The following RWDD1 variants were observed in gnomAD, a reference collection of about 807,000 sequenced individuals.
The protein encoded by RWDD1 is RWD domain-containing protein 1.
Under a neutral mutation model 31.6 loss-of-function variants are expected in RWDD1, and 17 were observed. That is an observed-to-expected ratio of 0.54 (90% CI 0.37 to 0.81). The LOEUF (loss-of-function observed/expected upper bound fraction) is 0.81, where lower values mean the gene tolerates loss of function less well. Ranked by LOEUF, RWDD1 falls within the 30% of genes least tolerant of loss-of-function variation. The pLI is 0.00. For synonymous variants in RWDD1, 78 were observed against 94.2 expected, an observed-to-expected ratio of 0.83 and a Z score of 0.99; for missense variants, 204 against 274.5, an observed-to-expected ratio of 0.74 and a Z score of 1.82.
At chr6:116,589,049 GT>G (rs3830940) in intron 4 of RWDD1, 64 bp downstream of exon 4, 165 of 1,142,024 alleles carry the variant, frequency 1.4e-4, no homozygotes, top group East Asian at 3.3e-4. Flanking sequence ...GCTTGGTTGG[GT>G]TTTTTTTTAA....
intron 1 of RWDD1, among the ~76,000 whole-genome samples, chr6:116,575,490 G>C (rs997944689): frequency 2.0e-5 from 3 of 152,164 alleles, no homozygotes; most frequent in East Asian, 3.9e-4. Flanking sequence ...ATGGTAATGG[G>C]ATTAGTCCTT....
At chr6:116,573,866 T>C (rs955212049) in intron 1 of RWDD1, among the ~76,000 whole-genome samples, 3 of 152,106 alleles carry the variant, frequency 2.0e-5, no homozygotes, top group African/African-American at 7.2e-5. Context: ...CAAAGAAGCA[T>C]TTGTTAAGTA....
At chr6:116,582,694 T>G (rs1774967804) in intron 2 of RWDD1, among the ~76,000 whole-genome samples, 1 of 152,082 alleles carries the variant, frequency 6.6e-6, no homozygotes, top group South Asian at 2.1e-4. Context: ...CCCTTTTTTC[T>G]AGTCTAGCTG....
In RWDD1 at chr6:116,597,525, C is replaced by A. The variant is rs1297883020; in HGVS notation, c.*4424C>A. On this transcript the variant is annotated 3_prime_UTR_variant, in exon 7 of 7. Coordinates refer to ENST00000466444, the MANE Select transcript of RWDD1 (RefSeq NM_015952.4). ...GGTATTTAGCTCTGAAAATCCTTTA[C>A]TGTTGAATATTTAGATTGTTTTCAA... 1 of 152,054 alleles carries A rather than the reference C, an allele frequency of 6.6e-6. No homozygotes were observed. Among genetic ancestry groups the A allele is most frequent in the African/African-American group, 2.4e-5 (1 of 41,404 alleles). The allele number at this position is 152,054 out of a possible 1,614,324, so 9.4% of individuals were successfully genotyped here. A position where few individuals can be genotyped will look rare whatever the true frequency, so the allele number is the denominator to read the frequency against.
chr6:116,575,604 T>TA (rs780229686), intron 1 of RWDD1, among the ~76,000 whole-genome samples: 1 of 152,336 alleles, frequency 6.6e-6, no homozygotes, highest in Admixed American at 6.5e-5. Context: ...TTTCTGTTTT[T>TA]AAAAAATACT....
rs371222086 is a variant in RWDD1 at position 116,571,684 on chromosome 6, C to T, written c.73+29C>T. 3.5e-5 allele frequency: 56 copies of T among 1,601,758 alleles called. No homozygotes were observed. The African/African-American group carries it at 5.2e-4, about 15-fold the overall frequency. On this transcript the variant is annotated intron_variant, in intron 1 of 6. Coordinates refer to ENST00000466444, the MANE Select transcript of RWDD1 (RefSeq NM_015952.4). ...ACTCCCGCGGCCGCAAGCCTGTAGC[C>T]GCCCCGAGGTGGAGTAGGACGGGCA...
chr6:116,573,055 G>A, intron 1 of RWDD1: 1 of 926,266 alleles, frequency 1.1e-6, no homozygotes, highest in Non-Finnish European at 1.3e-6. Flanking sequence ...ATAGAATATA[G>A]GGTCAGTTGT....
chr6:116,588,670 C>A (rs1392061797), intron 3 of RWDD1, among the ~76,000 whole-genome samples, 172 bp from the exon 4 acceptor site: 2 of 151,932 alleles, frequency 1.3e-5, no homozygotes, highest in Non-Finnish European at 2.9e-5. Context: ...TTGGATATGG[C>A]ACATTTACAC....
Position 116,571,560 on chromosome 6 carries a change from T to C in RWDD1, c.-23T>C, listed in dbSNP as rs2115318960. The C allele has an allele frequency of 1.2e-6, 2 of 1,610,868 alleles. No homozygotes were observed. The highest frequency in any genetic ancestry group is 8.5e-7 in the Non-Finnish European group (1 of 1,178,812). On this transcript the variant is annotated 5_prime_UTR_variant, in exon 1 of 7. Transcript: ENST00000466444. The stretch of plus-strand genomic sequence containing the variant: ...GCGCCGCCTAGGTGTCTGGGCGATC[T>C]ATGGGCAAGAGCAAGGGCCACGATG...
chr6:116,586,593 A>G (rs1007668404), intron 3 of RWDD1, among the ~76,000 whole-genome samples: 1 of 152,208 alleles, frequency 6.6e-6, no homozygotes, highest in African/African-American at 2.4e-5. Context: ...TAATTAACAA[A>G]TAATCAAGAA....
Position 116,571,651 on chromosome 6 carries a change from C to T in RWDD1, c.69C>T (p.Phe23=), listed in dbSNP as rs1774737744. The part of the protein sequence containing the change: ...EALESIYPDS[F]TVLSENPPSF... ...TGGAGTCCATCTACCCTGACTCCTT[C>T]ACAGGTGACTCCCGCGGCCGCAAGC... Residue 23 remains phenylalanine, a synonymous_variant, in exon 1 of 7, where the codon TTC becomes TTT. Transcript: ENST00000466444. 3.1e-6 allele frequency: 5 copies of T among 1,612,156 alleles called. No individual in the cohort carries two copies. The South Asian group carries it at 4.4e-5, about 14-fold the overall frequency.
intron 1 of RWDD1, among the ~76,000 whole-genome samples, chr6:116,576,203 T>C (rs1405582458): frequency 1.3e-5 from 2 of 152,228 alleles, no homozygotes; most frequent in East Asian, 1.9e-4. Context: ...TAATGAGAAA[T>C]AATGTAAGTG....
At position 116,595,072 on chromosome 6, in the gene RWDD1, T is replaced by C. The variant is rs1434229467; in HGVS notation, c.*1971T>C. On this transcript the variant is annotated 3_prime_UTR_variant, in exon 7 of 7. Transcript: ENST00000466444. Reference sequence around the variant, plus strand: ...TTTGTCCTATGTGAGATTTTGCTTTTCCCATCTTTTTGAAGCTGATCAGCA... The same window carrying C: ...TTTGTCCTATGTGAGATTTTGCTTTCCCCATCTTTTTGAAGCTGATCAGCA... 6.6e-6 allele frequency: 1 copy of C among 152,206 alleles called. No homozygotes were observed. Among genetic ancestry groups the C allele is most frequent in the Non-Finnish European group, 1.5e-5 (1 of 68,026 alleles). 9.4% of individuals were successfully genotyped at this position (152,206 alleles called of 1,614,324 possible). A position where few individuals can be genotyped will look rare whatever the true frequency, so the allele number is the denominator to read the frequency against.
intron 3 of RWDD1, among the ~76,000 whole-genome samples, chr6:116,585,625 A>T (rs914192093): frequency 6.6e-6 from 1 of 152,168 alleles, no homozygotes; most frequent in Non-Finnish European, 1.5e-5. Context: ...TGTGACTTAC[A>T]TATTCTAAAG....
rs554800049 is a variant in RWDD1, at chr6:116,584,674, T to A, written c.140-53T>A. On this transcript the variant is annotated intron_variant, in intron 2 of 6. Transcript: ENST00000466444. ...ACTTTCTACTGATTCAGCAAAGATA[T>A]CTACCTCTTTACTTTTAAGGTATTC... is the stretch of plus-strand genomic sequence containing the variant. The A allele has an allele frequency of 4.6e-6, 7 of 1,519,828 alleles. No homozygotes were observed. The African/African-American group carries it at 8.3e-5, about 18-fold the overall frequency. 94.1% of individuals were successfully genotyped at this position (1,519,828 alleles called of 1,614,324 possible). A position where few individuals can be genotyped will look rare whatever the true frequency, so the allele number is the denominator to read the frequency against.
At chr6:116,582,707 T>C (rs1426991256) in intron 2 of RWDD1, among the ~76,000 whole-genome samples, 1 of 152,060 alleles carries the variant, frequency 6.6e-6, no homozygotes, top group East Asian at 1.9e-4. Flanking sequence ...TCTAGCTGTT[T>C]CGTTAGACCT....
chr6:116,575,926 T>C (rs1222671261), intron 1 of RWDD1, among the ~76,000 whole-genome samples: 2 of 152,248 alleles, frequency 1.3e-5, no homozygotes, highest in Non-Finnish European at 2.9e-5. Flanking sequence ...CATATCTACT[T>C]CCATCTTTTT....
chr6:116,576,228 C>T (rs780208863), intron 1 of RWDD1, among the ~76,000 whole-genome samples: 1 of 152,152 alleles, frequency 6.6e-6, no homozygotes. Context: ...TACCTTATAC[C>T]TTATAATTGT....
rs188765957 is a variant in RWDD1, at chr6:116,594,273, A to G, written c.*1172A>G. On this transcript the variant is annotated 3_prime_UTR_variant, in exon 7 of 7. Coordinates refer to ENST00000466444, the MANE Select transcript of RWDD1 (RefSeq NM_015952.4). Reference sequence around the variant, plus strand: ...CCACCACACTGGGGATTAAATTTCAATGTGGGATTTGGAGAGGACAAATAT... The same window carrying G: ...CCACCACACTGGGGATTAAATTTCAGTGTGGGATTTGGAGAGGACAAATAT... 2.4e-4 allele frequency: 36 copies of G among 152,206 alleles called. No homozygotes were observed. The highest frequency in any genetic ancestry group is 2.2e-3 in the Admixed American group (33 of 15,278). 9.4% of individuals were successfully genotyped at this position (152,206 alleles called of 1,614,324 possible).
Sources: gnomAD v4.1 joint callset for allele counts (sites outside exome capture counted in the v4.1 genomes callset) on GRCh38, gnomAD v4.1.1 for gene constraint, MANE v1.5 for transcripts, NCBI Gene and HGNC (gene_info 2026-07-23, HGNC 2026-07-21) for gene names.